Variants in UBXN6 observed in about 807,000 individuals in gnomAD.
The protein encoded by UBXN6 is UBX domain-containing protein 6.
Under a neutral mutation model 51.4 loss-of-function variants are expected in UBXN6, and 44 were observed. The observed-to-expected ratio is 0.86, with a 90% CI of 0.67 to 1.10. UBXN6 has a LOEUF of 1.10. UBXN6 is among the 50% of genes least tolerant of loss of function. UBXN6 has a pLI of 0.00. For synonymous variants in UBXN6, 316 were observed against 263.2 expected (o/e 1.20, Z -1.94); for missense variants, 672 against 596.1 (o/e 1.13, Z -1.32).
In UBXN6 at chr19:4,445,590, T is replaced by C. The variant is rs779059765; in HGVS notation, c.1234A>G (p.Met412Val). 5.6e-6 allele frequency: 9 copies of C among 1,613,656 alleles called. No individual in the cohort carries two copies. Among genetic ancestry groups the C allele is most frequent in the Admixed American group, 1.7e-5 (1 of 60,018 alleles). ...GCCTTGATGTCCTCCAGCACAGCCA[T>C]GTCCCACGAGAAGGTCAGGAGGGCA... The part of the protein sequence containing the change: ...PSALLTFSWD[M>V]AVLEDIKAAG... Residue 412 changes from methionine to valine, a missense_variant, in exon 11 of 11, where the codon ATG (methionine) becomes GTG (valine). Coordinates refer to ENST00000301281, the MANE Select transcript of UBXN6 (RefSeq NM_025241.3).
At chr19:4,451,363 C>G (rs1221700875) in intron 4 of UBXN6, among the ~76,000 whole-genome samples, 1 of 152,080 alleles carries the variant, frequency 6.6e-6, no homozygotes, top group African/African-American at 2.4e-5. Context: ...CAGCCACTTA[C>G]TATTTTCTGA....
intron 1 of UBXN6, 101 bp from the exon 2 acceptor site, chr19:4,454,194 C>G (rs548281448): frequency 2.8e-5 from 37 of 1,307,962 alleles, no homozygotes; most frequent in Non-Finnish European, 3.8e-5. Flanking sequence ...CCAGCACCAT[C>G]AGCCAGACGT....
In UBXN6 at chr19:4,446,191, A is replaced by G; in HGVS notation, c.1058T>C (p.Phe353Ser). The G allele has an allele frequency of 1.2e-6, 2 of 1,604,070 alleles. No homozygotes were observed. Among genetic ancestry groups the G allele is most frequent in the Non-Finnish European group, 1.7e-6 (2 of 1,177,646 alleles). The change falls in exon 10 of 11, where the codon TTC (phenylalanine) becomes TCC (serine). Residue 353 changes from phenylalanine to serine, a missense_variant. Coordinates refer to ENST00000301281, the MANE Select transcript of UBXN6 (RefSeq NM_025241.3). ...CGCCCCCAGCCGCTCCCGAGCGTAG[A>G]AAGTGCCTGGGGAGTGGGGGAGTCA... Reference protein sequence around the residue: ...LPDGCLLQGTFYARERLGAVY... With the variant: ...LPDGCLLQGTSYARERLGAVY...
chr19:4,451,213 C>T (rs950543514), intron 4 of UBXN6, among the ~76,000 whole-genome samples: 2 of 151,944 alleles, frequency 1.3e-5, no homozygotes, highest in South Asian at 2.1e-4. Context: ...CCTGTCACCA[C>T]GCCTGGCTAA....
At chr19:4,445,675 G>T (rs780823252) in intron 10 of UBXN6, 52 bp from the exon 11 acceptor site, 14 of 1,585,520 alleles carry the variant, frequency 8.8e-6, no homozygotes, top group African/African-American at 1.3e-5. Flanking sequence ...CCCTTGCCGC[G>T]GCAGGGAACT....
At chr19:4,455,131 A>G in intron 1 of UBXN6, 2 of 878,690 alleles carry the variant, frequency 2.3e-6, no homozygotes, top group South Asian at 5.2e-5. Flanking sequence ...GTGACCTGGC[A>G]GAGAAGCCTC....
At chr19:4,447,481 C>T (rs1974559022) in intron 6 of UBXN6, 69 bp downstream of exon 6, 1 of 1,573,440 alleles carries the variant, frequency 6.4e-7, no homozygotes, top group Non-Finnish European at 8.7e-7. Context: ...GTGTGGGCCA[C>T]CACCGGCTCC....
intron 4 of UBXN6, among the ~76,000 whole-genome samples, chr19:4,451,766 T>G (rs1014604637): frequency 5.9e-5 from 9 of 151,658 alleles, no homozygotes; most frequent in Non-Finnish European, 1.2e-4. Flanking sequence ...GCCTCCCGAG[T>G]AGCTGGGATT....
At chr19:4,455,443 C>A in intron 1 of UBXN6, 1 of 283,068 alleles carries the variant, frequency 3.5e-6, no homozygotes, top group Non-Finnish European at 5.3e-6. Context: ...TGGGTCTTTC[C>A]AACAAAATGC....
chr19:4,454,040 T>C lies in UBXN6; in HGVS notation c.137A>G (p.Gln46Arg). 3.8e-6 allele frequency: 6 copies of C among 1,592,046 alleles called. No individual in the cohort carries two copies. The highest frequency in any genetic ancestry group is 5.1e-6 in the Non-Finnish European group (6 of 1,171,654). ...PNQPAPRPPR[Q>R]GPTNEAQMAA... ...CATCTGTGCCTCATTGGTGGGTCCC[T>C]GGCGGGGCGGCCTGGGGGCTGGCTG... is the stretch of plus-strand genomic sequence containing the variant. The change falls in exon 2 of 11, where the codon CAG (glutamine) becomes CGG (arginine). Residue 46 changes from glutamine to arginine, a missense_variant. By Grantham distance (43) the Gln-to-Arg change is conservative. Transcript: ENST00000301281.
In UBXN6 at chr19:4,446,383, C is replaced by T; in HGVS notation, c.951G>A (p.Leu317=). The change falls in exon 9 of 11, where the codon CTG becomes CTA. Residue 317 remains leucine, a synonymous_variant. Transcript: ENST00000301281. The part of the protein sequence containing the change: ...RSEAVERLSV[L]RTKAMREKEE... Reference sequence around the variant, plus strand: ...CCTTCTCCCGCATGGCCTTGGTCCGCAGCACGCTCAGCCGCTCCACCGCCT... The same window carrying T: ...CCTTCTCCCGCATGGCCTTGGTCCGTAGCACGCTCAGCCGCTCCACCGCCT... 1 of 1,576,656 alleles carries T rather than the reference C, an allele frequency of 6.3e-7. No individual in the cohort carries two copies.
At chr19:4,457,541 G>C in intron 1 of UBXN6, 74 bp downstream of exon 1, 1 of 1,240,918 alleles carries the variant, frequency 8.1e-7, no homozygotes, top group Non-Finnish European at 1.1e-6. Flanking sequence ...CTCCCGAGCC[G>C]CCCAAGGCCC....
At chr19:4,446,756 G>C in intron 7 of UBXN6, 37 bp from the exon 8 acceptor site, 1 of 1,611,444 alleles carries the variant, frequency 6.2e-7, no homozygotes, top group Non-Finnish European at 8.5e-7. Flanking sequence ...ACTGTGCAAT[G>C]GAGAGACCCC....
chr19:4,447,983 T>C (rs1158922936), intron 5 of UBXN6: 3 of 502,298 alleles, frequency 6.0e-6, no homozygotes, highest in African/African-American at 3.9e-5. Context: ...TCCCTCGGCG[T>C]TGGCGGGCAG....
intron 2 of UBXN6, 122 bp downstream of exon 2, chr19:4,453,808 G>A (rs879280815): frequency 1.4e-5 from 20 of 1,403,714 alleles, no homozygotes; most frequent in South Asian, 6.8e-5. Context: ...TTGATGAGCC[G>A]CTCCCAAGGG....
At chr19:4,451,776 T>TA (rs1208161877) in intron 4 of UBXN6, among the ~76,000 whole-genome samples, 2 of 151,856 alleles carry the variant, frequency 1.3e-5, no homozygotes, top group African/African-American at 4.8e-5. Flanking sequence ...TAGCTGGGAT[T>TA]ACAGGCATGT....
Position 4,453,474 on chromosome 19 carries a change from G to A in UBXN6, c.296C>T (p.Ala99Val). 6.2e-7 allele frequency: 1 copy of A among 1,613,698 alleles called. No homozygotes were observed. Among genetic ancestry groups the A allele is most frequent in the Non-Finnish European group, 8.5e-7 (1 of 1,179,868 alleles). The change falls in exon 3 of 11, where the codon GCC becomes GTC. Residue 99 changes from alanine (A) to valine (V), a missense_variant. Ala to Val is a moderately conservative substitution (Grantham distance 64, BLOSUM62 0). Transcript: ENST00000301281. ...TGTTCTTACCACGTTGGTCCCTGGGGCCTCGGGGCTCCCGCTGACGGTGGC... is the reference window on the plus strand; with the variant it reads ...TGTTCTTACCACGTTGGTCCCTGGGACCTCGGGGCTCCCGCTGACGGTGGC... ...AEATVSGSPE[A>V]PGTNVVSEPR...
Position 4,445,142 on chromosome 19 carries a change from C to G in UBXN6, c.*356G>C. 1 of 262,326 alleles carries G rather than the reference C, an allele frequency of 3.8e-6. No homozygotes were observed. The highest frequency in any genetic ancestry group is 7.5e-6 in the Non-Finnish European group (1 of 134,020). The allele number at this position is 262,326 out of a possible 1,614,324, so 16.2% of individuals were successfully genotyped here. A position where few individuals can be genotyped will look rare whatever the true frequency, so the allele number is the denominator to read the frequency against. On this transcript the variant is annotated 3_prime_UTR_variant, in exon 11 of 11. Coordinates refer to ENST00000301281, the MANE Select transcript of UBXN6 (RefSeq NM_025241.3). ...TAGTGCCAGGTGCAGCCACTGCCACCCACGGCACACGGGAACAGGACCCAT... is the reference window on the plus strand; with the variant it reads ...TAGTGCCAGGTGCAGCCACTGCCACGCACGGCACACGGGAACAGGACCCAT...
intron 4 of UBXN6, 176 bp from the exon 5 acceptor site, chr19:4,448,591 C>T (rs1391139107): frequency 1.1e-5 from 7 of 615,696 alleles, no homozygotes; most frequent in East Asian, 2.7e-5. Flanking sequence ...GCCCTGCCCA[C>T]GCCCCAGGGC....
Sources: gnomAD v4.1 joint callset for allele counts (sites outside exome capture counted in the v4.1 genomes callset) on GRCh38, gnomAD v4.1.1 for gene constraint, MANE v1.5 for transcripts, NCBI Gene and HGNC (gene_info 2026-07-23, HGNC 2026-07-21) for gene names.